Variants in GUCY2C observed in about 807,000 individuals in gnomAD.
The protein encoded by GUCY2C is guanylyl cyclase C.
In GUCY2C, 118 loss-of-function variants were observed where a neutral mutation model predicts 131.1. That is an observed-to-expected ratio of 0.90 (90% CI 0.78 to 1.05). The LOEUF is 1.05. Among genes scored for constraint, GUCY2C ranks in the 50% least tolerant of loss-of-function variants. The pLI is 0.00. For missense variants in GUCY2C, 1,161 were observed against 1,304.4 expected, an observed-to-expected ratio of 0.89 and a Z score of 1.69; for synonymous variants, 452 against 457.8, an observed-to-expected ratio of 0.99 and a Z score of 0.16.
chr12:14,675,922 A>T (rs1948226264), intron 7 of GUCY2C, among the ~76,000 whole-genome samples: 1 of 152,250 alleles, frequency 6.6e-6, no homozygotes, highest in Admixed American at 6.5e-5. Context: ...GGTAAAAAGA[A>T]TCCAGTTAAG....
chr12:14,671,692 A>AT (rs1165823626), intron 9 of GUCY2C, among the ~76,000 whole-genome samples: 1 of 152,238 alleles, frequency 6.6e-6, no homozygotes, highest in African/African-American at 2.4e-5. Flanking sequence ...ATTTTGAAGT[A>AT]TAGTTATGAG....
At chr12:14,670,027 C>T (rs552332218) in intron 9 of GUCY2C, among the ~76,000 whole-genome samples, 194 bp from the exon 10 acceptor site, 4 of 152,252 alleles carry the variant, frequency 2.6e-5, no homozygotes, top group Non-Finnish European at 5.9e-5. Context: ...TCAGATGGAC[C>T]GATTAGTTTC....
At chr12:14,645,389 A>G in intron 15 of GUCY2C, 74 bp from the exon 16 acceptor site, 2 of 721,070 alleles carry the variant, frequency 2.8e-6, no homozygotes, top group Non-Finnish European at 4.9e-6. Context: ...TATGAAACAA[A>G]TAATGATCTT....
intron 10 of GUCY2C, among the ~76,000 whole-genome samples, chr12:14,664,618 T>A (rs1947932875): frequency 6.6e-6 from 1 of 152,202 alleles, no homozygotes. Flanking sequence ...TTCTGCTGCC[T>A]TCTGGTGGCT....
chr12:14,626,933 T>A (rs1335170808), intron 20 of GUCY2C, among the ~76,000 whole-genome samples: 1 of 152,290 alleles, frequency 6.6e-6, no homozygotes, highest in East Asian at 1.9e-4. Context: ...AAGAAAGTGA[T>A]AAATGAAAGG....
intron 20 of GUCY2C, among the ~76,000 whole-genome samples, 169 bp from the exon 21 acceptor site, chr12:14,626,084 A>T (rs1947007998): frequency 6.6e-6 from 1 of 152,244 alleles, no homozygotes; most frequent in Non-Finnish European, 1.5e-5. Context: ...TCATGCCTGT[A>T]ATCCCAGAAC....
intron 10 of GUCY2C, among the ~76,000 whole-genome samples, chr12:14,663,328 G>C (rs1947906557): frequency 6.6e-6 from 1 of 152,178 alleles, no homozygotes; most frequent in Non-Finnish European, 1.5e-5. Context: ...TTTTGCCCAG[G>C]CTGGCATGCA....
chr12:14,658,950 A>G (rs1947812380), intron 11 of GUCY2C, among the ~76,000 whole-genome samples: 1 of 151,882 alleles, frequency 6.6e-6, no homozygotes, highest in South Asian at 2.1e-4. Flanking sequence ...TTCCATTTCT[A>G]ATCCCTACAA....
At position 14,673,592 on chromosome 12, in the gene GUCY2C, G is replaced by T. The variant is rs889451223; in HGVS notation, c.1085-634C>A. On this transcript the variant is annotated intron_variant, in intron 8 of 26. Transcript: ENST00000261170. Reference sequence around the variant, plus strand: ...ATTCTTCCTGAAATATCATGATATAGAAACTATTATTATCTCCGTTATATT... The same window carrying T: ...ATTCTTCCTGAAATATCATGATATATAAACTATTATTATCTCCGTTATATT... Among the ~76,000 whole-genome samples, 6 of 152,234 alleles carry T rather than the reference G, an allele frequency of 3.9e-5. No individual in the cohort carries two copies. In the East Asian group the frequency reaches 9.7e-4, roughly 25 times the overall value.
Position 14,651,520 on chromosome 12 carries a change from A to G in GUCY2C, c.1606-9T>C, listed in dbSNP as rs1465825556. 25 of 1,501,616 alleles carry G rather than the reference A, an allele frequency of 1.7e-5. No homozygotes were observed. The highest frequency in any genetic ancestry group is 2.3e-5 in the Non-Finnish European group (25 of 1,081,116). 93.0% of individuals were successfully genotyped at this position (1,501,616 alleles called of 1,614,324 possible). ...TAGTCAATCTGAAGCAACTAGAAGA[A>G]CGTGTTTGTTTACAAAGCAAATTAG... On this transcript the variant is annotated splice_polypyrimidine_tract_variant and intron_variant, in intron 14 of 26. Transcript: ENST00000261170.
intron 7 of GUCY2C, among the ~76,000 whole-genome samples, chr12:14,675,789 C>T (rs565432506): frequency 2.2e-4 from 33 of 152,256 alleles, no homozygotes; most frequent in African/African-American, 6.7e-4. Flanking sequence ...TGCAAAGAAT[C>T]GTATTTTTGC....
rs10846030 is a variant in GUCY2C, at chr12:14,621,315, G to C, written c.2602-99C>G. On this transcript the variant is annotated intron_variant, in intron 22 of 26. Coordinates refer to ENST00000261170, the MANE Select transcript of GUCY2C (RefSeq NM_004963.4). ...CATGTCAAACACAAAAAGTGATTTG[G>C]GAACACAGTATGAGCATAGCCCTTT... is the stretch of plus-strand genomic sequence containing the variant. 1,014,752 of 1,058,688 alleles carry C rather than the reference G, an allele frequency of 0.96. 493,228 individuals carry two copies. Among genetic ancestry groups the C allele is most frequent in the Non-Finnish European group, 0.99 (695,690 of 702,048 alleles). 65.6% of individuals were successfully genotyped at this position (1,058,688 alleles called of 1,614,324 possible).
chr12:14,673,432 T>C (rs566943971), intron 8 of GUCY2C, among the ~76,000 whole-genome samples: 9 of 152,244 alleles, frequency 5.9e-5, no homozygotes, highest in African/African-American at 2.2e-4. Context: ...AATAGCAATA[T>C]AAGATAAAAC....
chr12:14,614,357 C>A (rs1453766580), intron 26 of GUCY2C, among the ~76,000 whole-genome samples: 1 of 152,072 alleles, frequency 6.6e-6, no homozygotes, highest in East Asian at 1.9e-4. Flanking sequence ...ATATTTTCTG[C>A]ATAAACTATA....
chr12:14,666,239 ACCCG>A (rs1415128605), intron 10 of GUCY2C, among the ~76,000 whole-genome samples: 1 of 152,080 alleles, frequency 6.6e-6, no homozygotes, highest in Non-Finnish European at 1.5e-5. Flanking sequence ...ATGTGGCTTT[ACCCG>A]GCCGGCACAA....
Position 14,625,772 on chromosome 12 carries a change from A to G in GUCY2C, c.2393T>C (p.Phe798Ser), listed in dbSNP as rs1947000910. 1.9e-6 allele frequency: 3 copies of G among 1,613,912 alleles called. No homozygotes were observed. The highest frequency in any genetic ancestry group is 1.7e-5 in the Admixed American group (1 of 59,986). The change falls in exon 21 of 27, where the codon TTT becomes TCT. Residue 798 changes from phenylalanine (F) to serine (S), a missense_variant. Phe to Ser is a radical substitution (Grantham distance 155). Transcript: ENST00000261170. The stretch of plus-strand genomic sequence containing the variant: ...CTTGCCTTACCTTGGAAGCAACATA[A>G]AGTTAAGTCTGTCAGCCCTGTCCCT... ...AERDRADRLNFMLLPRLVVKS... is the reference protein window; with the variant it reads ...AERDRADRLNSMLLPRLVVKS...
At chr12:14,677,038 C>T (rs955649246) in intron 6 of GUCY2C, 67 bp from the exon 7 acceptor site, 3 of 510,766 alleles carry the variant, frequency 5.9e-6, no homozygotes, top group Non-Finnish European at 1.1e-5. Flanking sequence ...CTATAGTTCA[C>T]ACAAACTATA....
intron 15 of GUCY2C, among the ~76,000 whole-genome samples, chr12:14,650,555 A>AT (rs1299325131): frequency 2.6e-5 from 4 of 152,018 alleles, no homozygotes; most frequent in Non-Finnish European, 5.9e-5. Context: ...CTTGTTTATT[A>AT]TTTTTTAAGA....
chr12:14,635,936 A>C (rs1384054442), intron 19 of GUCY2C, among the ~76,000 whole-genome samples: 1 of 152,186 alleles, frequency 6.6e-6, no homozygotes, highest in African/African-American at 2.4e-5. Context: ...ATACATGAAC[A>C]GACCAACAAT....
Sources: allele counts gnomAD v4.1 joint callset (sites outside exome capture counted in the v4.1 genomes callset), GRCh38; gene constraint gnomAD v4.1.1; transcripts MANE v1.5; gene names NCBI Gene and HGNC (gene_info 2026-07-23, HGNC 2026-07-21).